The following KLHL5 variants were observed in gnomAD, a reference collection of about 807,000 sequenced individuals.
KLHL5 encodes kelch-like protein 5.
Under a neutral mutation model 77.7 loss-of-function variants are expected in KLHL5, and 48 were observed. The observed-to-expected ratio is 0.62, with a 90% CI of 0.49 to 0.79. The LOEUF (loss-of-function observed/expected upper bound fraction) is 0.79, where lower values mean the gene tolerates loss of function less well. KLHL5 is among the 30% of genes least tolerant of loss of function. The pLI is 0.00. For synonymous variants in KLHL5, 260 were observed against 297.0 expected, an observed-to-expected ratio of 0.88 and a Z score of 1.28; for missense variants, 723 against 859.7, an observed-to-expected ratio of 0.84 and a Z score of 1.99.
In KLHL5 at chr4:39,063,094, T is replaced by A. The variant is rs1044868604; in HGVS notation, c.383+59T>A. 6.0e-5 allele frequency: 74 copies of A among 1,228,730 alleles called. 2 individuals carry two copies. The highest frequency in any genetic ancestry group is 5.0e-4 in the South Asian group (30 of 60,126). 76.1% of individuals were successfully genotyped at this position (1,228,730 alleles called of 1,614,324 possible). A position where few individuals can be genotyped will look rare whatever the true frequency, so the allele number is the denominator to read the frequency against. On this transcript the variant is annotated intron_variant, in intron 1 of 10. Transcript: ENST00000504108. ...TGGGGGTATGGCTCTATAATGTTTT[T>A]AAATAATTTAGTATTTATTATTTAA... is the stretch of plus-strand genomic sequence containing the variant.
At chr4:39,092,713 T>C (rs1179818187) in intron 5 of KLHL5, among the ~76,000 whole-genome samples, 1 of 152,226 alleles carries the variant, frequency 6.6e-6, no homozygotes. Context: ...CCACCAACTT[T>C]TTTATAGTGA....
Position 39,101,963 on chromosome 4 carries a change from C to CATAT in KLHL5, c.1301-1319_1301-1316dup, listed in dbSNP as rs201466644. On this transcript the variant is annotated intron_variant, in intron 6 of 10. Transcript: ENST00000504108. Reference sequence around the variant, plus strand: ...ATATACACACATATATATACACACACATATATATGTATACATATATATATA... The same window carrying CATAT: ...ATATACACACATATATATACACACACATATATATATATGTATACATATATATATA... Among the ~76,000 whole-genome samples, 7 of 146,476 alleles carry CATAT rather than the reference C, an allele frequency of 4.8e-5. No individual in the cohort carries two copies. In the East Asian group the frequency reaches 7.9e-4, roughly 16 times the overall value.
chr4:39,139,977 A>C, the KLHL5 span, among the ~76,000 whole-genome samples: 1 of 152,218 alleles, frequency 6.6e-6, no homozygotes, highest in Non-Finnish European at 1.5e-5. Context: ...CTGCAATCCC[A>C]GCACTTTGGG....
chr4:39,063,021 T>A lies in KLHL5; in HGVS notation c.369T>A (p.Asp123Glu). Residue 123 changes from aspartate (D) to glutamate (E), a missense_variant, in exon 1 of 11, where the codon GAT becomes GAA. Transcript: ENST00000504108. ...DGTSEEENES[D>E]SSSCRTSNSS... ...CTAGTGAAGAAGAAAATGAATCTGA[T>A]TCCAGTTCATGCAGGTTGATTATTT... 6.2e-7 allele frequency: 1 copy of A among 1,612,000 alleles called. No homozygotes were observed. Among genetic ancestry groups the A allele is most frequent in the Non-Finnish European group, 8.5e-7 (1 of 1,178,752 alleles).
At chr4:39,102,997 C>T (rs977045165) in intron 6 of KLHL5, among the ~76,000 whole-genome samples, 2 of 152,136 alleles carry the variant, frequency 1.3e-5, no homozygotes, top group Non-Finnish European at 2.9e-5. Context: ...TGACACTTAA[C>T]GCCTCTGCTT....
intron 7 of KLHL5, among the ~76,000 whole-genome samples, chr4:39,106,438 A>G (rs1560436678): frequency 6.6e-6 from 1 of 152,240 alleles, no homozygotes; most frequent in East Asian, 1.9e-4. Flanking sequence ...TATAAGATTT[A>G]TGAGGGCACA....
intron 1 of KLHL5, among the ~76,000 whole-genome samples, chr4:39,052,582 G>C (rs1482157413): frequency 1.3e-5 from 2 of 152,162 alleles, no homozygotes; most frequent in Non-Finnish European, 2.9e-5. Flanking sequence ...AAAAGTAAAT[G>C]TTTTAAGTAG....
In KLHL5 at chr4:39,124,802, CAA is replaced by C. The variant is rs71643268; in HGVS notation, c.*3759_*3760del. On this transcript the variant is annotated 3_prime_UTR_variant, in exon 11 of 11. Transcript: ENST00000504108. ...GCACCAAAAGCACAAGCAACAACAGCAAAAAAAAAAAAAAAAAAAAAAAATCA... is the reference window on the plus strand; with the variant it reads ...GCACCAAAAGCACAAGCAACAACAGCAAAAAAAAAAAAAAAAAAAAAATCA... Among the ~76,000 whole-genome samples the C allele has an allele frequency of 2.6e-3, 116 of 44,112 alleles. No individual in the cohort carries two copies. Among genetic ancestry groups the C allele is most frequent in the African/African-American group, 7.5e-3 (101 of 13,554 alleles). 28.9% of individuals were successfully genotyped at this position (44,112 alleles called of 152,430 possible).
intron 1 of KLHL5, among the ~76,000 whole-genome samples, chr4:39,064,107 A>T (rs1560409075): frequency 6.6e-6 from 1 of 152,128 alleles, no homozygotes; most frequent in Non-Finnish European, 1.5e-5. Context: ...AAATGAATTT[A>T]TATATTTAAG....
chr4:39,067,647 G>T (rs1577653850), intron 1 of KLHL5, among the ~76,000 whole-genome samples: 1 of 148,544 alleles, frequency 6.7e-6, no homozygotes, highest in South Asian at 2.1e-4. Context: ...TACATTACAA[G>T]TATAATCTCT....
Position 39,069,449 on chromosome 4 carries a change from TATATATATATATATATATATATATACAC to T in KLHL5, c.383+6416_383+6443del, listed in dbSNP as rs1427839016. On this transcript the variant is annotated intron_variant, in intron 1 of 10. Transcript: ENST00000504108. ...AACATTTTATATATATATATATATA[TATATATATATATATATATATATATACAC>T]ACACACACACACACACACACACACA... Among the ~76,000 whole-genome samples the T allele has an allele frequency of 1.6e-3, 67 of 42,110 alleles. 1 individual carries two copies. The highest frequency in any genetic ancestry group is 1.9e-3 in the African/African-American group (13 of 6,972). 27.6% of individuals were successfully genotyped at this position (42,110 alleles called of 152,430 possible).
intron 7 of KLHL5, among the ~76,000 whole-genome samples, chr4:39,104,615 G>A (rs1004348811): frequency 1.3e-5 from 2 of 152,114 alleles, no homozygotes; most frequent in African/African-American, 4.8e-5. Context: ...AGACTTTATT[G>A]AACTGCAGCA....
chr4:39,045,965 C>T (rs1252640044), intron 1 of KLHL5, among the ~76,000 whole-genome samples: 1 of 151,726 alleles, frequency 6.6e-6, no homozygotes, highest in Non-Finnish European at 1.5e-5. Flanking sequence ...GTTGATTCTC[C>T]TTCCTGTTAG....
At chr4:39,110,111 C>A (rs9999327) in intron 8 of KLHL5, among the ~76,000 whole-genome samples, 80,195 of 152,004 alleles carry the variant, frequency 0.53, 21,710 homozygotes, top group Non-Finnish European at 0.59. Flanking sequence ...AATACCTCAA[C>A]ATTTAAAAGG....
At chr4:39,061,209 T>C (rs2109286183), upstream of KLHL5, among the ~76,000 whole-genome samples, 1 of 152,350 alleles carries the variant, frequency 6.6e-6, no homozygotes, top group South Asian at 2.1e-4. Flanking sequence ...ATGCTTCTCA[T>C]TCTTGTTTCT....
intron 1 of KLHL5, chr4:39,063,737 T>C (rs1025223621): frequency 1.7e-5 from 3 of 179,542 alleles, no homozygotes; most frequent in Non-Finnish European, 3.7e-5. Context: ...GATTATCTGG[T>C]GAAAAGGGGA....
chr4:39,105,640 TTATA>T (rs891787370), intron 7 of KLHL5, among the ~76,000 whole-genome samples: 10 of 151,060 alleles, frequency 6.6e-5, no homozygotes, highest in Non-Finnish European at 1.0e-4. Flanking sequence ...ATTTATATGT[TTATA>T]TATATACACA....
chr4:39,125,805 A>T lies in KLHL5; in HGVS notation c.*4739A>T, dbSNP rs1723504984. Among the ~76,000 whole-genome samples, 1 of 152,208 alleles carries T rather than the reference A, an allele frequency of 6.6e-6. No individual in the cohort carries two copies. The highest frequency in any genetic ancestry group is 2.4e-5 in the African/African-American group (1 of 41,450). ...CAACATGGTGAAGGTACTCAATGTC[A>T]CTAATGGTAAATTTCACATACACTT... On this transcript the variant is annotated 3_prime_UTR_variant, in exon 11 of 11. Coordinates refer to ENST00000504108, the MANE Select transcript of KLHL5 (RefSeq NM_015990.5).
At chr4:39,092,123 A>G (rs1720641321) in intron 5 of KLHL5, among the ~76,000 whole-genome samples, 1 of 152,304 alleles carries the variant, frequency 6.6e-6, no homozygotes, top group African/African-American at 2.4e-5. Flanking sequence ...ATGAAAATTT[A>G]TTCCTGTATT....
Sources: allele counts gnomAD v4.1 joint callset (sites outside exome capture counted in the v4.1 genomes callset), GRCh38; gene constraint gnomAD v4.1.1; transcripts MANE v1.5; gene names NCBI Gene and HGNC (gene_info 2026-07-23, HGNC 2026-07-21).